The following ADGRA1 variants were observed in gnomAD, a reference collection of about 807,000 sequenced individuals.
The protein encoded by ADGRA1 is adhesion G protein-coupled receptor A1.
Under a neutral mutation model 21.3 loss-of-function variants are expected in ADGRA1, and 12 were observed. The ratio of observed to expected loss-of-function variants is 0.56; its 90% CI spans 0.36 to 0.91. The LOEUF is 0.91. Among genes scored for constraint, ADGRA1 ranks in the 40% least tolerant of loss-of-function variants. ADGRA1 has a pLI of 0.01. For synonymous variants in ADGRA1, 385 were observed against 368.8 expected, an observed-to-expected ratio of 1.04 and a Z score of -0.50; for missense variants, 790 against 805.6, an observed-to-expected ratio of 0.98 and a Z score of 0.23.
chr10:133,088,436 G>GATGGTTGAGT (rs1172063436), intron 1 of ADGRA1: 6 of 155,864 alleles, frequency 3.8e-5, no homozygotes, highest in Admixed American at 1.3e-4. Context: ...TGCAGCCCGA[G>GATGGTTGAGT]ATGGTTGAGT....
intron 3 of ADGRA1, 28 bp downstream of exon 3, chr10:133,097,129 C>G: frequency 6.2e-7 from 1 of 1,600,786 alleles, no homozygotes; most frequent in Non-Finnish European, 8.5e-7. Flanking sequence ...AAGGGCGCCC[C>G]CTGTGCCCAA....
rs1331813094 is a variant in ADGRA1 at position 133,129,502 on chromosome 10, T to C, written c.1674T>C (p.Thr558=). 6.3e-7 allele frequency: 1 copy of C among 1,593,658 alleles called. No homozygotes were observed. The highest frequency in any genetic ancestry group is 8.5e-7 in the Non-Finnish European group (1 of 1,177,042). ...GAACGGGACCCTGGAAAAACGAAAC[T>C]ACTGTGTAGATGGGGGCAGAGGACA... ...NIRTGPWKNE[T]TV is the part of the protein sequence containing the mutation. Residue 558 remains threonine (T), a synonymous_variant, in exon 7 of 7, where the codon ACT becomes ACC. Coordinates refer to ENST00000392607, the MANE Select transcript of ADGRA1 (RefSeq NM_001083909.3).
intron 5 of ADGRA1, among the ~76,000 whole-genome samples, chr10:133,112,143 C>G (rs772741457): frequency 6.6e-6 from 1 of 152,148 alleles, no homozygotes; most frequent in Non-Finnish European, 1.5e-5. Flanking sequence ...TTTCTGCTCC[C>G]TTTGCCAGCC....
At chr10:133,090,302 C>G (rs565703628) in intron 2 of ADGRA1, among the ~76,000 whole-genome samples, 264 of 152,294 alleles carry the variant, frequency 1.7e-3, no homozygotes, top group South Asian at 2.7e-3. Context: ...GGTGGAGCTT[C>G]CTGCTACCAC....
chr10:133,123,986 G>A (rs1332303202), intron 5 of ADGRA1, among the ~76,000 whole-genome samples: 3 of 152,194 alleles, frequency 2.0e-5, no homozygotes, highest in Non-Finnish European at 4.4e-5. Context: ...TGGATGTCTG[G>A]GGGTGTTACT....
At chr10:133,105,862 G>A (rs889107085) in intron 5 of ADGRA1, among the ~76,000 whole-genome samples, 2 of 152,232 alleles carry the variant, frequency 1.3e-5, no homozygotes, top group African/African-American at 4.8e-5. Flanking sequence ...TCCAGCTGCA[G>A]GGGCCAAGGT....
At chr10:133,097,250 C>T (rs984455943) in intron 3 of ADGRA1, 149 bp downstream of exon 3, 22 of 946,674 alleles carry the variant, frequency 2.3e-5, no homozygotes, top group Non-Finnish European at 3.0e-5. Flanking sequence ...AGCTCAGACC[C>T]GCTCAGCAGC....
rs548017584 is a variant in ADGRA1 at position 133,102,627 on chromosome 10, G to A, written c.256-70G>A. 208 of 1,528,542 alleles carry A rather than the reference G, an allele frequency of 1.4e-4. 1 individual carries two copies. In the African/African-American group the frequency reaches 2.4e-3, roughly 17 times the overall value. The allele number at this position is 1,528,542 out of a possible 1,614,324, so 94.7% of individuals were successfully genotyped here. On this transcript the variant is annotated intron_variant, in intron 4 of 6. Transcript: ENST00000392607. ...TTCTCATTCTTGAAGTTGCAAGCCCGGGCCGAGGCTGCTGGGCTCTGGGGG... is the reference window on the plus strand; with the variant it reads ...TTCTCATTCTTGAAGTTGCAAGCCCAGGCCGAGGCTGCTGGGCTCTGGGGG...
At position 133,122,898 on chromosome 10, in the gene ADGRA1, G is replaced by A. The variant is rs543988961; in HGVS notation, c.402-4335G>A. ...CACTGGCTTCGAGCTGTGTGTTCCT[G>A]GAGTTGTTGTCTCACCTGGTTTCAT... On this transcript the variant is annotated intron_variant, in intron 5 of 6. Coordinates refer to ENST00000392607, the MANE Select transcript of ADGRA1 (RefSeq NM_001083909.3). Among the ~76,000 whole-genome samples the A allele has an allele frequency of 1.5e-4, 23 of 151,240 alleles. No individual in the cohort carries two copies. In the South Asian group the frequency reaches 4.8e-3, roughly 31 times the overall value.
chr10:133,129,382 G>T lies in ADGRA1; in HGVS notation c.1554G>T (p.Gln518His). The T allele has an allele frequency of 6.2e-7, 1 of 1,604,524 alleles. No individual in the cohort carries two copies. Residue 518 changes from glutamine (Q) to histidine (H), a missense_variant, in exon 7 of 7, where the codon CAG becomes CAT. Gln to His is a conservative substitution (Grantham distance 24). Coordinates refer to ENST00000392607, the MANE Select transcript of ADGRA1 (RefSeq NM_001083909.3). ...ACTTGGAGATGCTGCGGAGGACACA[G>T]TCCCTGCCCTTTGGTGGCCCCAGCC... The part of the protein sequence containing the change: ...PGHLEMLRRT[Q>H]SLPFGGPSQN...
intron 5 of ADGRA1, among the ~76,000 whole-genome samples, chr10:133,104,094 C>T (rs576639759): frequency 8.5e-5 from 13 of 152,368 alleles, no homozygotes; most frequent in Admixed American, 8.5e-4. Context: ...CCGTCCAAAA[C>T]GGTCTGAAGA....
At chr10:133,108,184 G>C (rs1244926804) in intron 5 of ADGRA1, among the ~76,000 whole-genome samples, 1 of 152,248 alleles carries the variant, frequency 6.6e-6, no homozygotes, top group Non-Finnish European at 1.5e-5. Context: ...CTGCTGCCCT[G>C]CTGGTGTCTT....
Position 133,129,709 on chromosome 10 carries a change from G to GC in ADGRA1, c.*202dup, listed in dbSNP as rs144966734. 1.5e-3 allele frequency: 409 copies of GC among 278,456 alleles called. 16 individuals are homozygous for GC. Among genetic ancestry groups the GC allele is most frequent in the African/African-American group, 0.012 (326 of 27,318 alleles). The allele number at this position is 278,456 out of a possible 1,614,324, so 17.2% of individuals were successfully genotyped here. On this transcript the variant is annotated 3_prime_UTR_variant, in exon 7 of 7. Transcript: ENST00000392607. ...GCCCCTTCCTTGTGATCACACCCCT[G>GC]CCCCTTCCTTGTGAAAGACCTCAGC... is the stretch of plus-strand genomic sequence containing the variant.
chr10:133,088,332 A>C, intron 1 of ADGRA1, 194 bp downstream of exon 1: 1 of 161,482 alleles, frequency 6.2e-6, no homozygotes, highest in Non-Finnish European at 1.3e-5. Context: ...CTCGAGCCAC[A>C]TCCAGGCAGA....
chr10:133,092,308 T>C (rs1396406678), intron 2 of ADGRA1, among the ~76,000 whole-genome samples: 2 of 152,200 alleles, frequency 1.3e-5, no homozygotes, highest in Admixed American at 1.3e-4. Context: ...AGATGGAGAG[T>C]TTGTCATCCC....
chr10:133,092,956 C>T (rs1417471621), intron 2 of ADGRA1: 2 of 1,581,108 alleles, frequency 1.3e-6, no homozygotes, highest in Non-Finnish European at 1.7e-6. Flanking sequence ...CTTCCTCAGC[C>T]AGTTGGAGCT....
At chr10:133,119,525 T>A (rs1445202890) in intron 5 of ADGRA1, among the ~76,000 whole-genome samples, 1 of 152,250 alleles carries the variant, frequency 6.6e-6, no homozygotes, top group Non-Finnish European at 1.5e-5. Context: ...ACTGGAGTCA[T>A]CCTCTCAAAC....
intron 2 of ADGRA1, chr10:133,095,849 C>T: frequency 1.3e-6 from 2 of 1,541,798 alleles, no homozygotes; most frequent in Non-Finnish European, 1.7e-6. Context: ...CCTCACTCAG[C>T]CGGAGCCATC....
At chr10:133,112,563 A>G (rs796550386) in intron 5 of ADGRA1, among the ~76,000 whole-genome samples, 1,435 of 27,370 alleles carry the variant, frequency 0.052, 3 homozygotes, top group African/African-American at 0.12. Context: ...TGTGGGCCGC[A>G]TCGGTTATTT....
Sources: allele counts gnomAD v4.1 joint callset (sites outside exome capture counted in the v4.1 genomes callset), GRCh38; gene constraint gnomAD v4.1.1; transcripts MANE v1.5; gene names NCBI Gene and HGNC (gene_info 2026-07-23, HGNC 2026-07-21).